The following NRG1 variants were observed in gnomAD, a reference collection of about 807,000 sequenced individuals.
The protein encoded by NRG1 is pro-neuregulin-1, membrane-bound isoform.
In NRG1, 18 loss-of-function variants were observed where a neutral mutation model predicts 63.8. The observed-to-expected ratio is 0.28, with a 90% CI of 0.19 to 0.42. The LOEUF is 0.42. NRG1 is among the 10% of genes least tolerant of loss of function. NRG1 has a pLI of 1.00. For synonymous variants in NRG1, 302 were observed against 301.3 expected (o/e 1.00, Z -0.02); for missense variants, 762 against 814.7 (o/e 0.94, Z 0.79).
rs1835111433 is a variant in NRG1, at chr8:32,133,440, TG to T, written c.38-462387del. Among the ~76,000 whole-genome samples, 4 of 152,186 alleles carry T rather than the reference TG, an allele frequency of 2.6e-5. No homozygotes were observed. In the South Asian group the frequency reaches 6.2e-4, roughly 24 times the overall value. ...ATACAAGATGTTACAAGAAAGAAAA[TG>T]ACAGGAACCCATGTGGTTCAACTGA... is the stretch of plus-strand genomic sequence containing the variant. On this transcript the variant is annotated intron_variant, in intron 1 of 10. Transcript: ENST00000519301.
intron 1 of NRG1, among the ~76,000 whole-genome samples, chr8:32,009,937 G>C (rs952807908): frequency 6.6e-6 from 1 of 151,244 alleles, no homozygotes; most frequent in African/African-American, 2.4e-5. Flanking sequence ...ACTTTTTGGG[G>C]TTCCTTTGTC....
intron 1 of NRG1, among the ~76,000 whole-genome samples, chr8:31,850,870 G>A (rs912464605): frequency 2.0e-5 from 3 of 152,132 alleles, no homozygotes; most frequent in Non-Finnish European, 4.4e-5. Flanking sequence ...CAATGAAATG[G>A]CTTTCTCAGA....
chr8:31,790,980 G>A (rs1305223234), intron 1 of NRG1, among the ~76,000 whole-genome samples: 3 of 152,122 alleles, frequency 2.0e-5, no homozygotes, highest in Non-Finnish European at 4.4e-5. Flanking sequence ...GGAGGCTGAG[G>A]TGGGCGGATC....
chr8:32,293,715 C>CTTTTTTTTTTTTTTTTTTTTT (rs1854486773), intron 1 of NRG1, among the ~76,000 whole-genome samples: 1 of 113,538 alleles, frequency 8.8e-6, no homozygotes, highest in Non-Finnish European at 1.8e-5. Context: ...TTCTTTTCTT[C>CTTTTTTTTTTTTTTTTTTTTT]TTCTTTTTTT....
intron 5 of NRG1, among the ~76,000 whole-genome samples, chr8:32,684,439 T>C (rs916892605): frequency 6.6e-6 from 1 of 152,176 alleles, no homozygotes; most frequent in Non-Finnish European, 1.5e-5. Flanking sequence ...AAAAAAGTGA[T>C]TTTAGCAGGG....
At chr8:32,755,678 A>C (rs1156633800) in intron 8 of NRG1, among the ~76,000 whole-genome samples, 1 of 152,130 alleles carries the variant, frequency 6.6e-6, no homozygotes, top group Non-Finnish European at 1.5e-5. Flanking sequence ...TATATTCAAA[A>C]CTCAGTTCAT....
At chr8:32,145,442 G>A (rs779124804) in intron 1 of NRG1, among the ~76,000 whole-genome samples, 1 of 152,050 alleles carries the variant, frequency 6.6e-6, no homozygotes, top group Admixed American at 6.6e-5. Flanking sequence ...TTAAATCTAA[G>A]TTTTTGTTCC....
At chr8:31,757,623 T>C (rs1177461464) in intron 1 of NRG1, among the ~76,000 whole-genome samples, 2 of 152,008 alleles carry the variant, frequency 1.3e-5, no homozygotes, top group African/African-American at 4.8e-5. Context: ...CTTGAAGAAA[T>C]CTTATTTCAA....
intron 1 of NRG1, among the ~76,000 whole-genome samples, chr8:32,409,348 G>A (rs952241470): frequency 6.6e-6 from 1 of 152,132 alleles, no homozygotes; most frequent in Non-Finnish European, 1.5e-5. Context: ...CCTAGGGAAG[G>A]AATTCATTAC....
chr8:31,713,100 C>T (rs1811968642), intron 1 of NRG1, among the ~76,000 whole-genome samples: 1 of 149,814 alleles, frequency 6.7e-6, no homozygotes, highest in African/African-American at 2.4e-5. Context: ...CACTGCCATA[C>T]TCCTTCTAAT....
intron 1 of NRG1, among the ~76,000 whole-genome samples, chr8:31,728,419 T>C (rs547161916): frequency 6.6e-6 from 1 of 152,228 alleles, no homozygotes; most frequent in South Asian, 2.1e-4. Context: ...AGCTGAGATC[T>C]CGCAAGTAAT....
At chr8:31,978,371 C>T (rs547044935) in intron 1 of NRG1, among the ~76,000 whole-genome samples, 1 of 152,194 alleles carries the variant, frequency 6.6e-6, no homozygotes, top group African/African-American at 2.4e-5. Context: ...GTATGTGCTG[C>T]TCATAAAAAT....
intron 1 of NRG1, among the ~76,000 whole-genome samples, chr8:31,734,105 T>C (rs964550121): frequency 5.3e-5 from 8 of 151,934 alleles, no homozygotes; most frequent in African/African-American, 1.5e-4. Flanking sequence ...TTTGAGAGGA[T>C]TGCATGAGGT....
intron 1 of NRG1, among the ~76,000 whole-genome samples, chr8:31,692,382 T>C (rs1430656176): frequency 2.0e-5 from 3 of 152,250 alleles, no homozygotes; most frequent in Non-Finnish European, 4.4e-5. Flanking sequence ...GAAATTGTAT[T>C]GAGCATGTAT....
intron 1 of NRG1, among the ~76,000 whole-genome samples, chr8:32,391,861 T>G (rs1811815008): frequency 6.6e-6 from 1 of 152,176 alleles, no homozygotes; most frequent in Non-Finnish European, 1.5e-5. Context: ...TGCTGATATT[T>G]TGGATGTACT....
At chr8:31,673,243 A>G (rs2131011025) in intron 1 of NRG1, among the ~76,000 whole-genome samples, 1 of 152,238 alleles carries the variant, frequency 6.6e-6, no homozygotes, top group East Asian at 1.9e-4. Flanking sequence ...ATCATAAATA[A>G]TCACCTAGAG....
chr8:32,621,475 C>T (rs1025908169), intron 5 of NRG1, among the ~76,000 whole-genome samples: 2 of 152,166 alleles, frequency 1.3e-5, no homozygotes, highest in African/African-American at 4.8e-5. Context: ...TCTGGAGATG[C>T]CAGCTGCTGG....
At chr8:32,043,063 C>T (rs1020794385) in intron 1 of NRG1, among the ~76,000 whole-genome samples, 7 of 148,908 alleles carry the variant, frequency 4.7e-5, no homozygotes, top group African/African-American at 1.7e-4. Context: ...CCAAATTAGC[C>T]AAATCACATA....
At chr8:32,617,855 T>A (rs1847657716) in intron 5 of NRG1, among the ~76,000 whole-genome samples, 1 of 152,190 alleles carries the variant, frequency 6.6e-6, no homozygotes, top group Non-Finnish European at 1.5e-5. Context: ...AAATAAATCC[T>A]GTTTGATGTT....
Sources: gnomAD v4.1 joint callset for allele counts (sites outside exome capture counted in the v4.1 genomes callset) on GRCh38, gnomAD v4.1.1 for gene constraint, MANE v1.5 for transcripts, NCBI Gene and HGNC (gene_info 2026-07-23, HGNC 2026-07-21) for gene names.